The following RFX3 variants were observed in gnomAD, a reference collection of about 807,000 sequenced individuals.
The protein encoded by RFX3 is transcription factor RFX3.
RFX3 carries 14 observed loss-of-function variants against 98.6 expected under a neutral mutation model. That is an observed-to-expected ratio of 0.14 (90% CI 0.09 to 0.22). The LOEUF is 0.22. Ranked by LOEUF, RFX3 falls within the 10% of genes least tolerant of loss-of-function variation. RFX3 has a pLI of 1.00. For missense variants in RFX3, 639 were observed against 926.9 expected, an observed-to-expected ratio of 0.69 and a Z score of 4.03; for synonymous variants, 383 against 328.4, an observed-to-expected ratio of 1.17 and a Z score of -1.80.
At chr9:3,513,967 G>A (rs1238211315) in intron 1 of RFX3, among the ~76,000 whole-genome samples, 1 of 152,104 alleles carries the variant, frequency 6.6e-6, no homozygotes, top group Admixed American at 6.5e-5. Context: ...AAAATAAGGA[G>A]ATCAAATGTT....
Position 3,379,983 on chromosome 9 carries a change from A to G in RFX3, c.117+15489T>C, listed in dbSNP as rs376126656. Among the ~76,000 whole-genome samples, 110 of 151,710 alleles carry G rather than the reference A, an allele frequency of 7.3e-4. 1 individual carries two copies. In the South Asian group the frequency reaches 0.022, roughly 30 times the overall value. On this transcript the variant is annotated intron_variant, in intron 2 of 16. Coordinates refer to ENST00000617270, the MANE Select transcript of RFX3 (RefSeq NM_001282116.2). ...GCTCTTGTTGCCAGGCTGGAGTACA[A>G]TGGTGTGATCTCAGCTCACTGCAAC...
chr9:3,305,585 C>G (rs1418304118), intron 4 of RFX3, among the ~76,000 whole-genome samples: 6 of 151,730 alleles, frequency 4.0e-5, no homozygotes, highest in Non-Finnish European at 7.4e-5. Context: ...TAATAATGAG[C>G]CTTTGAAATT....
At chr9:3,385,066 T>A (rs1323618805) in intron 2 of RFX3, among the ~76,000 whole-genome samples, 1 of 152,202 alleles carries the variant, frequency 6.6e-6, no homozygotes, top group African/African-American at 2.4e-5. Flanking sequence ...GACTCAGCTA[T>A]ACATTGAGAT....
chr9:3,243,854 C>T (rs369662860), intron 15 of RFX3, among the ~76,000 whole-genome samples: 45 of 152,284 alleles, frequency 3.0e-4, no homozygotes, highest in African/African-American at 1.1e-3. Flanking sequence ...CAATCTGTAG[C>T]AGGTCATAAG....
intron 1 of RFX3, among the ~76,000 whole-genome samples, chr9:3,451,748 A>C (rs1846656313): frequency 6.6e-6 from 1 of 152,072 alleles, no homozygotes; most frequent in Non-Finnish European, 1.5e-5. Flanking sequence ...AACTGGGTGT[A>C]GCATACATGG....
intron 1 of RFX3, among the ~76,000 whole-genome samples, chr9:3,440,723 T>C (rs1022371823): frequency 1.7e-4 from 26 of 152,180 alleles, no homozygotes; most frequent in African/African-American, 6.0e-4. Flanking sequence ...TCACAGAAAT[T>C]GACAAGTTAA....
At chr9:3,305,013 A>C (rs1019408114) in intron 4 of RFX3, among the ~76,000 whole-genome samples, 3 of 152,026 alleles carry the variant, frequency 2.0e-5, no homozygotes, top group Non-Finnish European at 4.4e-5. Context: ...TACAAAATTC[A>C]CATTTATTTT....
At chr9:3,264,917 G>T (rs576285650) in intron 12 of RFX3, among the ~76,000 whole-genome samples, 1 of 152,182 alleles carries the variant, frequency 6.6e-6, no homozygotes, top group African/African-American at 2.4e-5. Flanking sequence ...CACTGGGAAG[G>T]GAAGTGCTTT....
Position 3,347,398 on chromosome 9 carries a change from T to A in RFX3, c.118-634A>T, listed in dbSNP as rs529783832. 3.0e-4 allele frequency among the ~76,000 whole-genome samples: 46 copies of A among 152,334 alleles called. No individual in the cohort carries two copies. The East Asian group carries it at 3.3e-3, about 11-fold the overall frequency. On this transcript the variant is annotated intron_variant, in intron 2 of 16. Transcript: ENST00000617270. ...TTTAATTTTAAAAAGCTGATTTTTT[T>A]AAATTAAGAACAATTCATAATAGAA...
intron 2 of RFX3, among the ~76,000 whole-genome samples, chr9:3,369,917 C>T (rs1273198726): frequency 1.3e-5 from 2 of 151,924 alleles, no homozygotes; most frequent in African/African-American, 4.8e-5. Flanking sequence ...GCAAGCTCCG[C>T]CCTCGGGTTC....
chr9:3,349,465 TG>T (rs1834825033), intron 2 of RFX3, among the ~76,000 whole-genome samples: 1 of 152,112 alleles, frequency 6.6e-6, no homozygotes, highest in Non-Finnish European at 1.5e-5. Flanking sequence ...GATTTAATTT[TG>T]TTTTATGATT....
intron 2 of RFX3, among the ~76,000 whole-genome samples, chr9:3,353,676 A>T (rs1835418937): frequency 6.6e-6 from 1 of 152,066 alleles, no homozygotes; most frequent in African/African-American, 2.4e-5. Context: ...CAATATCTGA[A>T]TTACAAGCAG....
intron 1 of RFX3, among the ~76,000 whole-genome samples, chr9:3,469,722 A>G (rs181663755): frequency 1.0e-3 from 158 of 152,204 alleles, no homozygotes; most frequent in African/African-American, 3.6e-3. Flanking sequence ...AAAATCAACA[A>G]TGAAAGAAAA....
rs962371590 is a variant in RFX3 at position 3,219,866 on chromosome 9, G to A, written c.*5176C>T. 1 of 152,194 alleles carries A rather than the reference G, an allele frequency of 6.6e-6. No individual in the cohort carries two copies. 9.4% of individuals were successfully genotyped at this position (152,194 alleles called of 1,614,324 possible). ...CTATGCTATGGATGTCCTTTCACCA[G>A]ACATCAGAATAGGTTACACTCTTAT... On this transcript the variant is annotated 3_prime_UTR_variant, in exon 17 of 17. Transcript: ENST00000617270.
intron 1 of RFX3, among the ~76,000 whole-genome samples, chr9:3,473,856 G>A (rs1045784849): frequency 3.3e-5 from 5 of 152,092 alleles, no homozygotes; most frequent in East Asian, 1.9e-4. Flanking sequence ...CTTGATAAAG[G>A]CAAGTCACTG....
intron 1 of RFX3, among the ~76,000 whole-genome samples, chr9:3,477,394 T>C (rs957088423): frequency 3.9e-5 from 6 of 152,184 alleles, no homozygotes; most frequent in African/African-American, 1.4e-4. Flanking sequence ...ATCCTTTCAG[T>C]TTTTATCTAT....
At chr9:3,351,972 A>T (rs1486908437) in intron 2 of RFX3, among the ~76,000 whole-genome samples, 1 of 151,992 alleles carries the variant, frequency 6.6e-6, no homozygotes, top group African/African-American at 2.4e-5. Flanking sequence ...GTACAAAAAA[A>T]TTTCAAAAAA....
intron 1 of RFX3, among the ~76,000 whole-genome samples, chr9:3,408,034 A>G (rs1386480071): frequency 1.3e-5 from 2 of 152,116 alleles, no homozygotes; most frequent in Non-Finnish European, 2.9e-5. Context: ...CTTCTAAAGG[A>G]GTAGGAATGA....
At chr9:3,420,002 A>T (rs759635735) in intron 1 of RFX3, among the ~76,000 whole-genome samples, 18 of 152,182 alleles carry the variant, frequency 1.2e-4, no homozygotes, top group Non-Finnish European at 2.1e-4. Context: ...TCAAAATTGT[A>T]AGGCAGTTTG....
Sources: allele counts gnomAD v4.1 joint callset (sites outside exome capture counted in the v4.1 genomes callset), GRCh38; gene constraint gnomAD v4.1.1; transcripts MANE v1.5; gene names NCBI Gene and HGNC (gene_info 2026-07-23, HGNC 2026-07-21).